DDR2: variants seen among roughly 807,000 people sequenced by gnomAD.
DDR2 encodes the protein discoidin domain-containing receptor 2.
DDR2 carries 27 observed loss-of-function variants against 94.9 expected under a neutral mutation model. The observed-to-expected ratio is 0.28, with a 90% CI of 0.21 to 0.39. The LOEUF (loss-of-function observed/expected upper bound fraction) is 0.39, where lower values mean the gene tolerates loss of function less well. Among genes scored for constraint, DDR2 ranks in the 10% least tolerant of loss-of-function variants. The pLI is 1.00. For missense variants in DDR2, 783 were observed against 1,076.0 expected (o/e 0.73, Z 3.81); for synonymous variants, 382 against 377.2 (o/e 1.01, Z -0.15).
At chr1:162,634,549 T>A (rs1481688513) in intron 1 of DDR2, among the ~76,000 whole-genome samples, 2 of 152,166 alleles carry the variant, frequency 1.3e-5, no homozygotes, top group African/African-American at 4.8e-5. Flanking sequence ...GGAGGGCAGA[T>A]GGATTTGGAT....
intron 1 of DDR2, among the ~76,000 whole-genome samples, chr1:162,634,194 A>G (rs913152094): frequency 5.9e-5 from 9 of 152,200 alleles, no homozygotes; most frequent in South Asian, 4.1e-4. Flanking sequence ...TTGTCTGGAT[A>G]TCAGATGTGG....
chr1:162,719,849 T>C (rs1323424834), intron 3 of DDR2, among the ~76,000 whole-genome samples: 1 of 152,156 alleles, frequency 6.6e-6, no homozygotes, highest in Non-Finnish European at 1.5e-5. Flanking sequence ...CAAGCATAAC[T>C]GGAAGTCAGC....
At chr1:162,669,031 G>C (rs1658710582) in intron 2 of DDR2, among the ~76,000 whole-genome samples, 1 of 152,172 alleles carries the variant, frequency 6.6e-6, no homozygotes, top group Non-Finnish European at 1.5e-5. Flanking sequence ...AATATTTAAG[G>C]AAAAGTACTT....
At chr1:162,744,596 C>T (rs1209424478) in intron 3 of DDR2, among the ~76,000 whole-genome samples, 1 of 152,034 alleles carries the variant, frequency 6.6e-6, no homozygotes, top group Non-Finnish European at 1.5e-5. Flanking sequence ...ATACACGTGC[C>T]ATGGTGGTTT....
intron 3 of DDR2, among the ~76,000 whole-genome samples, chr1:162,733,896 C>T (rs1047345888): frequency 9.2e-5 from 14 of 152,182 alleles, no homozygotes; most frequent in Middle Eastern, 3.2e-3. Context: ...TCCCATACCA[C>T]GTTTTAGTAT....
chr1:162,756,647 C>A (rs1663478704), intron 7 of DDR2, among the ~76,000 whole-genome samples: 1 of 152,114 alleles, frequency 6.6e-6, no homozygotes, highest in Non-Finnish European at 1.5e-5. Flanking sequence ...TAGTGAGTCT[C>A]AGGAAGGGAG....
chr1:162,671,871 C>T (rs1658861470), intron 2 of DDR2, among the ~76,000 whole-genome samples: 1 of 152,226 alleles, frequency 6.6e-6, no homozygotes, highest in Non-Finnish European at 1.5e-5. Flanking sequence ...CTTTGACCTA[C>T]CTTCCCTATC....
rs2102196877 is a variant in DDR2, at chr1:162,775,853, C to A, written c.2048+10C>A. On this transcript the variant is annotated intron_variant, in intron 15 of 17. Coordinates refer to ENST00000367921, the MANE Select transcript of DDR2 (RefSeq NM_006182.4). Reference sequence around the variant, plus strand: ...ATGTACGCACTGTCAGGTAAACAAGCCAGGTCTTCCTTCTCCTCCCTGTGG... The same window carrying A: ...ATGTACGCACTGTCAGGTAAACAAGACAGGTCTTCCTTCTCCTCCCTGTGG... The A allele has an allele frequency of 6.2e-7, 1 of 1,613,810 alleles. No individual in the cohort carries two copies. The highest frequency in any genetic ancestry group is 8.5e-7 in the Non-Finnish European group (1 of 1,179,954).
Position 162,770,513 on chromosome 1 carries a change from G to T in DDR2, c.1504+1G>T. The T allele has an allele frequency of 6.2e-7, 1 of 1,614,084 alleles. No individual in the cohort carries two copies. The highest frequency in any genetic ancestry group is 1.1e-5 in the South Asian group (1 of 91,076). On this transcript the variant is annotated splice_donor_variant, in intron 12 of 17. Transcript: ENST00000367921. LOFTEE classifies it high-confidence loss of function. ...TTTGCTCCAGGGGAGGAGGAGTCAGGTGAGGATGATGTGGTGGGCAGGGTG... is the reference window on the plus strand; with the variant it reads ...TTTGCTCCAGGGGAGGAGGAGTCAGTTGAGGATGATGTGGTGGGCAGGGTG...
rs997987524 is a variant in DDR2 at position 162,676,938 on chromosome 1, T to G, written c.-28+21564T>G. 2.6e-5 allele frequency among the ~76,000 whole-genome samples: 4 copies of G among 152,186 alleles called. No homozygotes were observed. In the South Asian group the frequency reaches 8.3e-4, roughly 31 times the overall value. The stretch of plus-strand genomic sequence containing the variant: ...CATGCTCAGTTTTCTATTTTCTTTA[T>G]AGTGGAAAAGTCAATGCCCTTCCTA... On this transcript the variant is annotated intron_variant, in intron 2 of 17. Coordinates refer to ENST00000367921, the MANE Select transcript of DDR2 (RefSeq NM_006182.4).
chr1:162,715,662 A>G (rs1360485882), intron 2 of DDR2, among the ~76,000 whole-genome samples: 3 of 152,218 alleles, frequency 2.0e-5, no homozygotes, highest in African/African-American at 7.2e-5. Context: ...TTAGGTTCAC[A>G]TATGAGTTTG....
In DDR2 at chr1:162,782,547, A is replaced by G. The variant is rs1423238838; in HGVS notation, c.*2301A>G. ...TATGTATTAGCTTCATTAGAATTAA[A>G]GGGACTTGAACTCAGGACCTGCAGC... On this transcript the variant is annotated 3_prime_UTR_variant, in exon 18 of 18. Coordinates refer to ENST00000367921, the MANE Select transcript of DDR2 (RefSeq NM_006182.4). The G allele has an allele frequency of 7.4e-6, 1 of 135,724 alleles. No homozygotes were observed. Among genetic ancestry groups the G allele is most frequent in the East Asian group, 2.2e-4 (1 of 4,500 alleles). 8.4% of individuals were successfully genotyped at this position (135,724 alleles called of 1,614,324 possible). A position where few individuals can be genotyped will look rare whatever the true frequency, so the allele number is the denominator to read the frequency against.
intron 3 of DDR2, among the ~76,000 whole-genome samples, chr1:162,719,814 GT>G (rs1661339259): frequency 6.6e-6 from 1 of 152,062 alleles, no homozygotes; most frequent in Admixed American, 6.6e-5. Context: ...TGTTTGGACT[GT>G]TCTCTGTTCT....
At chr1:162,721,218 T>G (rs562737099) in intron 3 of DDR2, among the ~76,000 whole-genome samples, 2 of 152,306 alleles carry the variant, frequency 1.3e-5, no homozygotes, top group African/African-American at 4.8e-5. Context: ...TTTAAATGAC[T>G]AACCAGGAGA....
intron 3 of DDR2, among the ~76,000 whole-genome samples, chr1:162,738,330 C>T (rs1261726893): frequency 5.2e-5 from 1 of 19,416 alleles, no homozygotes; most frequent in Non-Finnish European, 1.2e-4. Flanking sequence ...AACAGAGAGC[C>T]AAATCATGAG....
At chr1:162,646,052 C>T (rs1483596161) in intron 1 of DDR2, among the ~76,000 whole-genome samples, 2 of 152,184 alleles carry the variant, frequency 1.3e-5, no homozygotes, top group Non-Finnish European at 2.9e-5. Flanking sequence ...TGCCATGCAA[C>T]GACTCAGTTT....
chr1:162,772,034 T>C lies in DDR2; in HGVS notation c.1515T>C (p.Gly505=). Residue 505 remains glycine, a synonymous_variant, in exon 13 of 18, where the codon GGT becomes GGC. Coordinates refer to ENST00000367921, the MANE Select transcript of DDR2 (RefSeq NM_006182.4). The part of the protein sequence containing the change: ...APGEEESGCS[G]VVKPVQPSGP... ...CCCTTGTCTTCCCAGGCTGCAGCGGTGTTGTGAAGCCAGTCCAGCCCAGTG... is the reference window on the plus strand; with the variant it reads ...CCCTTGTCTTCCCAGGCTGCAGCGGCGTTGTGAAGCCAGTCCAGCCCAGTG... 1 of 1,607,742 alleles carries C rather than the reference T, an allele frequency of 6.2e-7. No homozygotes were observed. Among genetic ancestry groups the C allele is most frequent in the Non-Finnish European group, 8.5e-7 (1 of 1,177,304 alleles).
intron 1 of DDR2, among the ~76,000 whole-genome samples, chr1:162,632,871 C>A (rs756203568): frequency 6.6e-6 from 1 of 152,022 alleles, no homozygotes; most frequent in Non-Finnish European, 1.5e-5. Context: ...ACCAAAGAAG[C>A]CTGAAGCAAA....
intron 3 of DDR2, among the ~76,000 whole-genome samples, chr1:162,747,674 G>C (rs953491470): frequency 3.9e-5 from 6 of 152,098 alleles, no homozygotes; most frequent in South Asian, 2.1e-4. Context: ...TCCTCGAGAA[G>C]AGCAACCCCA....
Sources: gnomAD v4.1 joint callset for allele counts (sites outside exome capture counted in the v4.1 genomes callset) on GRCh38, gnomAD v4.1.1 for gene constraint, MANE v1.5 for transcripts, NCBI Gene and HGNC (gene_info 2026-07-23, HGNC 2026-07-21) for gene names.